PDE4D: variants seen among roughly 807,000 people sequenced by gnomAD.
The protein encoded by PDE4D is 3',5'-cyclic-AMP phosphodiesterase 4D.
PDE4D carries 24 observed loss-of-function variants against 87.4 expected under a neutral mutation model. The observed-to-expected ratio is 0.27, with a 90% CI of 0.20 to 0.39. PDE4D has a LOEUF of 0.39. PDE4D is among the 10% of genes least tolerant of loss of function. The pLI, the probability that PDE4D is intolerant of heterozygous loss-of-function variation, is 1.00. For synonymous variants in PDE4D, 384 were observed against 383.2 expected, an observed-to-expected ratio of 1.00 and a Z score of -0.02; for missense variants, 714 against 1,041.0, an observed-to-expected ratio of 0.69 and a Z score of 4.32.
chr5:59,299,783 C>T (rs1486055199), intron 1 of PDE4D, among the ~76,000 whole-genome samples: 1 of 152,010 alleles, frequency 6.6e-6, no homozygotes, highest in Non-Finnish European at 1.5e-5. Flanking sequence ...AATAAAACGC[C>T]ATGGGGTAGA....
rs78184608 is a variant in PDE4D at position 59,565,638 on chromosome 5, A to T, written c.455+327530T>A. Among the ~76,000 whole-genome samples, 102 of 152,366 alleles carry T rather than the reference A, an allele frequency of 6.7e-4. 4 individuals carry two copies. In the East Asian group the frequency reaches 0.015, roughly 23 times the overall value. ...TAGTGGGGTGAAAAGGCTATGGCGT[A>T]AGCCTGGTGAGGAAAGGCAAAGCAC... On this transcript the variant is annotated intron_variant, in intron 1 of 14. Coordinates refer to ENST00000340635, the MANE Select transcript of PDE4D (RefSeq NM_001104631.2).
chr5:59,301,060 G>C (rs1770146825), intron 1 of PDE4D, among the ~76,000 whole-genome samples: 1 of 152,166 alleles, frequency 6.6e-6, no homozygotes, highest in South Asian at 2.1e-4. Flanking sequence ...CTCCATGAAA[G>C]TCCAAGTGTT....
intron 1 of PDE4D, among the ~76,000 whole-genome samples, chr5:59,256,952 C>G (rs1761092914): frequency 6.6e-6 from 1 of 151,888 alleles, no homozygotes; most frequent in African/African-American, 2.4e-5. Flanking sequence ...AACATACTGT[C>G]AAGTGCAAAA....
chr5:60,421,874 G>A (rs1363911737), intron 1 of PDE4D, among the ~76,000 whole-genome samples: 6 of 152,258 alleles, frequency 3.9e-5, no homozygotes, highest in East Asian at 1.9e-4. Context: ...TGAAAACCAC[G>A]GCACGAGAAC....
intron 1 of PDE4D, among the ~76,000 whole-genome samples, chr5:59,553,889 A>G (rs1818491876): frequency 6.6e-6 from 1 of 152,216 alleles, no homozygotes; most frequent in Non-Finnish European, 1.5e-5. Context: ...AGCCCCTCAC[A>G]GAGCTCTCCG....
chr5:60,251,710 T>C (rs1415587519), intron 1 of PDE4D, among the ~76,000 whole-genome samples: 1 of 151,976 alleles, frequency 6.6e-6, no homozygotes, highest in African/African-American at 2.4e-5. Context: ...TAGAATGATT[T>C]ATATTCCTTT....
intron 1 of PDE4D, chr5:59,276,090 G>C (rs1764739034): frequency 1.0e-6 from 1 of 964,124 alleles, no homozygotes; most frequent in East Asian, 1.2e-4. Context: ...CTGTAAGAAG[G>C]CAGTTCAAAA....
rs566949791 is a variant in PDE4D at position 60,111,308 on chromosome 5, G to GA, written c.42+74248dup. 2.2e-4 allele frequency among the ~76,000 whole-genome samples: 33 copies of GA among 151,772 alleles called. 1 individual carries two copies. The South Asian group carries it at 6.2e-3, about 29-fold the overall frequency. ...CAATGATTATGAATCAGCTAAAAAA[G>GA]AAAAAACCTATCTGACCAGGATATT... On this transcript the variant is annotated intron_variant, in intron 2 of 16. Transcript: ENST00000502484.
Position 60,125,131 on chromosome 5 carries a change from A to G in PDE4D, c.42+60426T>C, listed in dbSNP as rs145572038. Among the ~76,000 whole-genome samples the G allele has an allele frequency of 4.8e-3, 737 of 152,304 alleles. 4 individuals carry two copies. Among genetic ancestry groups the G allele is most frequent in the African/African-American group, 0.017 (706 of 41,572 alleles). On this transcript the variant is annotated intron_variant, in intron 2 of 16. Coordinates refer to the PDE4D transcript ENST00000502484. Reference sequence around the variant, plus strand: ...TACCCAAATTAGATTTGTAAAACCAACCTGAACTCAAGACTACCATAACCA... The same window carrying G: ...TACCCAAATTAGATTTGTAAAACCAGCCTGAACTCAAGACTACCATAACCA...
intron 3 of PDE4D, among the ~76,000 whole-genome samples, chr5:59,930,008 G>C (rs988726112): frequency 6.6e-6 from 1 of 152,000 alleles, no homozygotes; most frequent in Non-Finnish European, 1.5e-5. Flanking sequence ...CAAGGTACCT[G>C]TTAGTGGATT....
intron 1 of PDE4D, chr5:59,357,065 C>A (rs1252696974): frequency 8.9e-6 from 4 of 447,572 alleles, no homozygotes; most frequent in Non-Finnish European, 1.5e-5. Context: ...TTGGCCTTTG[C>A]GACAGAGTTT....
At chr5:60,390,176 G>A (rs1337724631) in intron 1 of PDE4D, among the ~76,000 whole-genome samples, 1 of 152,140 alleles carries the variant, frequency 6.6e-6, no homozygotes, top group Non-Finnish European at 1.5e-5. Context: ...TTCCTCCCCT[G>A]CTGGAGTCAC....
intron 2 of PDE4D, among the ~76,000 whole-genome samples, chr5:60,031,797 A>G (rs1264667552): frequency 6.6e-6 from 1 of 152,116 alleles, no homozygotes; most frequent in Non-Finnish European, 1.5e-5. Context: ...GAAAGAAATG[A>G]GAGAGAAAGA....
chr5:59,368,005 T>C (rs17782374), intron 1 of PDE4D, among the ~76,000 whole-genome samples: 26,600 of 152,246 alleles, frequency 0.17, 2,510 homozygotes, highest in Middle Eastern at 0.27. Flanking sequence ...TTTTCGTGAC[T>C]GTACCTTCAC....
At position 59,262,315 on chromosome 5, in the gene PDE4D, T is replaced by C. The variant is rs1258976279; in HGVS notation, c.456-46347A>G. On this transcript the variant is annotated intron_variant, in intron 1 of 14. Transcript: ENST00000340635. Reference sequence around the variant, plus strand: ...TAATAGACCCACAGAAATAAAACTTTTCTTTAAGGACTATATATTTTAAGC... The same window carrying C: ...TAATAGACCCACAGAAATAAAACTTCTCTTTAAGGACTATATATTTTAAGC... 2.0e-5 allele frequency among the ~76,000 whole-genome samples: 3 copies of C among 151,988 alleles called. No homozygotes were observed. The East Asian group carries it at 5.8e-4, about 29-fold the overall frequency.
At chr5:60,040,385 A>G (rs1270191112) in intron 2 of PDE4D, among the ~76,000 whole-genome samples, 2 of 152,180 alleles carry the variant, frequency 1.3e-5, no homozygotes, top group African/African-American at 4.8e-5. Flanking sequence ...CCCTTTGAAT[A>G]AAAGGTAAAT....
chr5:59,193,584 G>A, intron 2 of PDE4D, 48 bp from the exon 3 acceptor site: 1 of 1,603,638 alleles, frequency 6.2e-7, no homozygotes. Context: ...ATAACTCTGT[G>A]CTCAGTGTCG....
intron 1 of PDE4D, among the ~76,000 whole-genome samples, chr5:59,487,568 T>A (rs1340600974): frequency 6.6e-6 from 1 of 152,136 alleles, no homozygotes; most frequent in African/African-American, 2.4e-5. Flanking sequence ...GTCTATTTGA[T>A]TAAATGCACA....
chr5:60,354,473 A>G (rs1314398810), intron 1 of PDE4D, among the ~76,000 whole-genome samples: 1 of 152,220 alleles, frequency 6.6e-6, no homozygotes, highest in Admixed American at 6.5e-5. Context: ...GCTGTAATCT[A>G]GGAGTATACC....
Sources: gnomAD v4.1 joint callset for allele counts (sites outside exome capture counted in the v4.1 genomes callset) on GRCh38, gnomAD v4.1.1 for gene constraint, MANE v1.5 for transcripts, NCBI Gene and HGNC (gene_info 2026-07-23, HGNC 2026-07-21) for gene names.